The following NBEA variants were observed in gnomAD, a reference collection of about 807,000 sequenced individuals.
NBEA encodes neurobeachin.
NBEA carries 44 observed loss-of-function variants against 343.4 expected under a neutral mutation model. That is an observed-to-expected ratio of 0.13 (90% CI 0.10 to 0.16). NBEA has a LOEUF of 0.16. Among genes scored for constraint, NBEA ranks in the 10% least tolerant of loss-of-function variants. The probability of loss-of-function intolerance (pLI) is 1.00; values close to 1 mark genes in which losing one functional copy is unlikely to be tolerated. For missense variants in NBEA, 2,555 were observed against 3,631.3 expected, an observed-to-expected ratio of 0.70 and a Z score of 7.62; for synonymous variants, 1,175 against 1,238.7, an observed-to-expected ratio of 0.95 and a Z score of 1.08.
chr13:35,476,419 G>A, intron 41 of NBEA: 1 of 967,266 alleles, frequency 1.0e-6, no homozygotes, highest in Non-Finnish European at 1.6e-6. Flanking sequence ...TCCCCCCTCT[G>A]CTTGTCTCTC....
At chr13:35,015,376 G>C (rs1052550096) in intron 1 of NBEA, among the ~76,000 whole-genome samples, 2 of 151,972 alleles carry the variant, frequency 1.3e-5, no homozygotes, top group African/African-American at 4.8e-5. Flanking sequence ...ATTTGGCAGT[G>C]GTATTGAGTG....
chr13:35,131,631 T>A (rs1357859130), intron 17 of NBEA, among the ~76,000 whole-genome samples: 3 of 152,174 alleles, frequency 2.0e-5, no homozygotes, highest in African/African-American at 7.2e-5. Flanking sequence ...AAACTAACAA[T>A]TAACAAAAGC....
intron 47 of NBEA, among the ~76,000 whole-genome samples, chr13:35,594,915 T>C (rs1392410716): frequency 6.7e-6 from 1 of 150,240 alleles, no homozygotes; most frequent in African/African-American, 2.5e-5. Flanking sequence ...CTATTTCAAA[T>C]GAAAATGCCT....
At chr13:35,377,083 C>T (rs2041783937) in intron 38 of NBEA, among the ~76,000 whole-genome samples, 1 of 152,072 alleles carries the variant, frequency 6.6e-6, no homozygotes, top group South Asian at 2.1e-4. Context: ...TTGTGTTCTG[C>T]AATATTTTAT....
In NBEA at chr13:35,538,108, G is replaced by A. The variant is rs193179924; in HGVS notation, c.6586-12369G>A. On this transcript the variant is annotated intron_variant, in intron 41 of 58. Coordinates refer to ENST00000379939, the MANE Select transcript of NBEA (RefSeq NM_001385012.1). The stretch of plus-strand genomic sequence containing the variant: ...CTGTAGCTACCCTACTTAGATAACC[G>A]CAGGTGGAGTATCCCTTGTCGCAAA... Among the ~76,000 whole-genome samples the A allele has an allele frequency of 2.6e-5, 4 of 152,228 alleles. No individual in the cohort carries two copies. The South Asian group carries it at 6.2e-4, about 24-fold the overall frequency.
chr13:35,349,514 A>T (rs2040065587), intron 37 of NBEA, among the ~76,000 whole-genome samples: 1 of 152,134 alleles, frequency 6.6e-6, no homozygotes, highest in African/African-American at 2.4e-5. Flanking sequence ...AATTTTAGTT[A>T]TTTTAAGCTA....
At chr13:35,037,066 C>G (rs1166478764) in intron 1 of NBEA, among the ~76,000 whole-genome samples, 3 of 152,108 alleles carry the variant, frequency 2.0e-5, no homozygotes, top group Non-Finnish European at 4.4e-5. Context: ...TTCTCTAGAT[C>G]ATGTAGGCAT....
chr13:35,332,715 T>C (rs2039000927), intron 36 of NBEA, among the ~76,000 whole-genome samples: 1 of 152,134 alleles, frequency 6.6e-6, no homozygotes, highest in Non-Finnish European at 1.5e-5. Flanking sequence ...ATGGCTGTTG[T>C]AATCCAAGTG....
intron 30 of NBEA, chr13:35,185,927 T>G (rs1395927482): frequency 6.6e-6 from 1 of 152,138 alleles, no homozygotes; most frequent in East Asian, 1.9e-4. Flanking sequence ...AAGATATTTT[T>G]TCATGATAGA....
intron 38 of NBEA, among the ~76,000 whole-genome samples, chr13:35,364,648 G>A (rs2041001466): frequency 6.6e-6 from 1 of 151,744 alleles, no homozygotes; most frequent in African/African-American, 2.4e-5. Flanking sequence ...GAAGATCATG[G>A]TAATCAGGAG....
chr13:35,259,505 T>C (rs2033011091), intron 34 of NBEA, among the ~76,000 whole-genome samples: 1 of 152,194 alleles, frequency 6.6e-6, no homozygotes, highest in Non-Finnish European at 1.5e-5. Context: ...ACACCAGTGA[T>C]GTTTTGTGTA....
intron 38 of NBEA, among the ~76,000 whole-genome samples, chr13:35,385,153 A>C (rs2042184699): frequency 6.6e-6 from 1 of 152,186 alleles, no homozygotes; most frequent in Non-Finnish European, 1.5e-5. Flanking sequence ...GTTCTAAAAT[A>C]GTTCAGCTTT....
At chr13:35,426,955 A>G (rs1048125118) in intron 38 of NBEA, among the ~76,000 whole-genome samples, 9 of 152,070 alleles carry the variant, frequency 5.9e-5, no homozygotes, top group Non-Finnish European at 1.2e-4. Context: ...TTCGTCACGT[A>G]GTTCTTGTGC....
chr13:35,140,297 A>T (rs2068016833), intron 17 of NBEA, among the ~76,000 whole-genome samples: 1 of 152,054 alleles, frequency 6.6e-6, no homozygotes, highest in Admixed American at 6.6e-5. Context: ...TACAGGCATG[A>T]GGCACTGAGC....
At chr13:34,961,368 A>G (rs2181762) in intron 1 of NBEA, among the ~76,000 whole-genome samples, 5,904 of 152,090 alleles carry the variant, frequency 0.039, 369 homozygotes, top group African/African-American at 0.13. Context: ...TAAGTTATTA[A>G]ATTATATCAT....
At chr13:35,602,950 T>A (rs2082120310) in intron 47 of NBEA, among the ~76,000 whole-genome samples, 1 of 152,214 alleles carries the variant, frequency 6.6e-6, no homozygotes, top group Non-Finnish European at 1.5e-5. Context: ...TCTGCCACTT[T>A]TGCAGTTTGA....
chr13:35,236,950 T>C (rs1267911500), intron 34 of NBEA, among the ~76,000 whole-genome samples: 1 of 152,130 alleles, frequency 6.6e-6, no homozygotes, highest in African/African-American at 2.4e-5. Flanking sequence ...TAACTTAGAC[T>C]CTGGTACATC....
chr13:35,389,597 T>C (rs982543148), intron 38 of NBEA, among the ~76,000 whole-genome samples: 2 of 152,170 alleles, frequency 1.3e-5, no homozygotes, highest in African/African-American at 4.8e-5. Flanking sequence ...TGTATTATTA[T>C]AGCTGAATGC....
chr13:35,416,686 T>G (rs2043930842), intron 38 of NBEA, among the ~76,000 whole-genome samples: 1 of 152,140 alleles, frequency 6.6e-6, no homozygotes, highest in Non-Finnish European at 1.5e-5. Flanking sequence ...AGGATATTGG[T>G]CTAAAATTCT....
Sources: allele counts gnomAD v4.1 joint callset (sites outside exome capture counted in the v4.1 genomes callset), GRCh38; gene constraint gnomAD v4.1.1; transcripts MANE v1.5; gene names NCBI Gene and HGNC (gene_info 2026-07-23, HGNC 2026-07-21).